Variants in GPHN observed in about 807,000 individuals in gnomAD.
GPHN encodes the protein gephyrin.
GPHN carries 17 observed loss-of-function variants against 95.5 expected under a neutral mutation model. The ratio of observed to expected loss-of-function variants is 0.18; its 90% CI spans 0.12 to 0.27. The LOEUF is 0.27. Among genes scored for constraint, GPHN ranks in the 10% least tolerant of loss-of-function variants. The pLI is 1.00. For synonymous variants in GPHN, 320 were observed against 322.5 expected, an observed-to-expected ratio of 0.99 and a Z score of 0.08; for missense variants, 660 against 978.1, an observed-to-expected ratio of 0.67 and a Z score of 4.34.
chr14:67,566,950 A>C, the GPHN span, among the ~76,000 whole-genome samples: 2 of 152,072 alleles, frequency 1.3e-5, no homozygotes, highest in Non-Finnish European at 1.5e-5. Context: ...AAGGGGATTA[A>C]GGTATTAAGG....
the GPHN span, among the ~76,000 whole-genome samples, chr14:67,612,296 G>C: frequency 1.2e-3 from 180 of 152,320 alleles, no homozygotes; most frequent in Middle Eastern, 3.4e-3. Flanking sequence ...ATTTTATGGA[G>C]TTAGATGAGG....
the GPHN span, among the ~76,000 whole-genome samples, chr14:67,439,590 T>TTC: frequency 5.8e-5 from 7 of 120,622 alleles, no homozygotes; most frequent in African/African-American, 3.4e-4. Context: ...TCTTTCTTTC[T>TTC]TTCTTCTTTC....
intron 4 of GPHN, among the ~76,000 whole-genome samples, chr14:66,855,061 G>A (rs572911774): frequency 9.1e-4 from 138 of 152,090 alleles, no homozygotes; most frequent in African/African-American, 3.2e-3. Context: ...TAGCCAAGCT[G>A]GCCTCCAACT....
the GPHN span, among the ~76,000 whole-genome samples, chr14:67,716,633 CA>C: frequency 6.6e-6 from 1 of 152,148 alleles, no homozygotes; most frequent in Non-Finnish European, 1.5e-5. Flanking sequence ...CTTGTAATCT[CA>C]GCACTTTGGG....
rs543949423 is a variant in GPHN at position 66,552,161 on chromosome 14, G to C, written c.64+43570G>C. 3.9e-3 allele frequency among the ~76,000 whole-genome samples: 587 copies of C among 152,192 alleles called. 8 individuals carry two copies. The highest frequency in any genetic ancestry group is 0.014 in the African/African-American group (565 of 41,522). On this transcript the variant is annotated intron_variant, in intron 1 of 22. Coordinates refer to ENST00000478722, the MANE Select transcript of GPHN (RefSeq NM_020806.5). ...GGCTCCCTAGTATGCCTGGAAATCT[G>C]TTTACTTTCCTGGTTTTTATTCTGT...
the GPHN span, chr14:67,198,931 T>C: frequency 1.4e-6 from 1 of 700,162 alleles, no homozygotes; most frequent in South Asian, 1.5e-5. Flanking sequence ...AGTCTAACAC[T>C]AAACACTGAG....
intron 17 of GPHN, among the ~76,000 whole-genome samples, chr14:67,130,320 T>G (rs1595288613): frequency 1.3e-5 from 2 of 152,268 alleles, no homozygotes; most frequent in East Asian, 3.9e-4. Flanking sequence ...ATCATTATGT[T>G]CATGAGTACC....
chr14:67,435,176 AG>A, the GPHN span, among the ~76,000 whole-genome samples: 1 of 152,120 alleles, frequency 6.6e-6, no homozygotes, highest in African/African-American at 2.4e-5. Flanking sequence ...CAAGTTGGCC[AG>A]GCTGGTCTCA....
At chr14:66,540,772 T>G (rs896307714) in intron 1 of GPHN, among the ~76,000 whole-genome samples, 1 of 152,140 alleles carries the variant, frequency 6.6e-6, no homozygotes, top group African/African-American at 2.4e-5. Context: ...TAAAATATTT[T>G]TACTTATTTA....
chr14:67,618,325 T>A, the GPHN span, among the ~76,000 whole-genome samples: 1 of 152,146 alleles, frequency 6.6e-6, no homozygotes, highest in African/African-American at 2.4e-5. Flanking sequence ...CTAACAAGTA[T>A]CTGGTGACCC....
intron 1 of GPHN, among the ~76,000 whole-genome samples, chr14:66,525,751 C>T (rs2058666461): frequency 6.6e-6 from 1 of 151,794 alleles, no homozygotes; most frequent in Non-Finnish European, 1.5e-5. Flanking sequence ...AAATCCTTTC[C>T]CCATTTCTTG....
At chr14:67,504,981 T>C in the GPHN span, among the ~76,000 whole-genome samples, 12 of 152,180 alleles carry the variant, frequency 7.9e-5, no homozygotes, top group African/African-American at 1.2e-4. Context: ...ATTTCCCAAG[T>C]GCGTTTGGAT....
chr14:67,270,589 T>C, the GPHN span: 1 of 115,460 alleles, frequency 8.7e-6, no homozygotes, highest in East Asian at 2.2e-4. Context: ...TCAAAGGACT[T>C]TTTTTTTTTT....
At chr14:67,094,631 G>T (rs1029514622) in intron 12 of GPHN, among the ~76,000 whole-genome samples, 3 of 151,978 alleles carry the variant, frequency 2.0e-5, no homozygotes, top group African/African-American at 7.3e-5. Flanking sequence ...TAAACTTGTA[G>T]AATTCATCTT....
intron 2 of GPHN, among the ~76,000 whole-genome samples, chr14:66,702,548 C>T (rs1263584683): frequency 6.6e-6 from 1 of 151,976 alleles, no homozygotes; most frequent in Non-Finnish European, 1.5e-5. Flanking sequence ...CCACAGCAGC[C>T]ATATAGAAGA....
chr14:67,394,387 C>A, the GPHN span, among the ~76,000 whole-genome samples: 9 of 151,962 alleles, frequency 5.9e-5, no homozygotes, highest in Non-Finnish European at 1.2e-4. Flanking sequence ...CTGAGTGAGA[C>A]CCTGTCCCCA....
At chr14:67,213,960 C>T in the GPHN span, among the ~76,000 whole-genome samples, 4 of 152,308 alleles carry the variant, frequency 2.6e-5, no homozygotes, top group South Asian at 8.3e-4. Context: ...GCATAAATGG[C>T]TTCTTTTGAG....
intron 11 of GPHN, among the ~76,000 whole-genome samples, chr14:67,088,517 A>G (rs1420485353): frequency 6.6e-6 from 1 of 152,108 alleles, no homozygotes; most frequent in Non-Finnish European, 1.5e-5. Context: ...AAGTACCTAT[A>G]TTGTTGATAG....
At chr14:66,609,522 A>G (rs936633201) in intron 1 of GPHN, among the ~76,000 whole-genome samples, 3 of 152,104 alleles carry the variant, frequency 2.0e-5, no homozygotes, top group Non-Finnish European at 4.4e-5. Context: ...CATAAACTGT[A>G]TCTTCAAATA....
Sources: allele counts gnomAD v4.1 joint callset (sites outside exome capture counted in the v4.1 genomes callset), GRCh38; gene constraint gnomAD v4.1.1; transcripts MANE v1.5; gene names NCBI Gene and HGNC (gene_info 2026-07-23, HGNC 2026-07-21).